Variants in MIB1 observed in about 807,000 individuals in gnomAD.
The protein encoded by MIB1 is MIB E3 ubiquitin protein ligase 1.
A neutral mutation model predicts 124.5 loss-of-function variants in MIB1; 278 were observed. That is an observed-to-expected ratio of 2.23 (90% CI 2.02 to 2.47). MIB1 has a LOEUF of 2.47. MIB1 is among the 30% of genes most tolerant of loss of function. The probability of loss-of-function intolerance (pLI) is 0.00; values close to 1 mark genes in which losing one functional copy is unlikely to be tolerated. For missense variants in MIB1, 957 were observed against 1,254.4 expected (o/e 0.76, Z 3.58); for synonymous variants, 446 against 429.4 (o/e 1.04, Z -0.48).
chr18:21,822,767 C>A (rs1431144427), intron 12 of MIB1, among the ~76,000 whole-genome samples: 1 of 151,970 alleles, frequency 6.6e-6, no homozygotes, highest in African/African-American at 2.4e-5. Flanking sequence ...TTAGTGTACT[C>A]GGAATTAAAA....
At chr18:21,707,505 T>G (rs550052899) in intron 1 of MIB1, among the ~76,000 whole-genome samples, 2 of 152,330 alleles carry the variant, frequency 1.3e-5, no homozygotes, top group South Asian at 4.1e-4. Flanking sequence ...ATCTTGCTGC[T>G]GCTCATTCTT....
chr18:21,738,987 A>G (rs1162263412), upstream of MIB1, among the ~76,000 whole-genome samples: 1 of 151,906 alleles, frequency 6.6e-6, no homozygotes, highest in Non-Finnish European at 1.5e-5. Context: ...AAAAAAATTA[A>G]TGAATCCAGG....
intron 1 of MIB1, among the ~76,000 whole-genome samples, chr18:21,715,063 A>G (rs2040683443): frequency 6.6e-6 from 1 of 152,208 alleles, no homozygotes; most frequent in Non-Finnish European, 1.5e-5. Context: ...GGAATAAATC[A>G]GAAAGTTGAG....
chr18:21,743,034 A>T (rs2040872392), intron 1 of MIB1, among the ~76,000 whole-genome samples: 1 of 152,230 alleles, frequency 6.6e-6, no homozygotes, highest in African/African-American at 2.4e-5. Flanking sequence ...CTCCTGTCTC[A>T]GCCTCCCAAA....
intron 20 of MIB1, among the ~76,000 whole-genome samples, chr18:21,863,669 T>G (rs957474324): frequency 6.6e-6 from 1 of 151,894 alleles, no homozygotes; most frequent in African/African-American, 2.4e-5. Context: ...GTGGGTAGTT[T>G]TGGAAAAGGC....
At position 21,803,887 on chromosome 18, in the gene MIB1, C is replaced by A. The variant is rs1174523388; in HGVS notation, c.1372-20C>A. 3 of 1,573,966 alleles carry A rather than the reference C, an allele frequency of 1.9e-6. No individual in the cohort carries two copies. Among genetic ancestry groups the A allele is most frequent in the African/African-American group, 1.4e-5 (1 of 73,886 alleles). On this transcript the variant is annotated intron_variant, in intron 9 of 20. Coordinates refer to ENST00000261537, the MANE Select transcript of MIB1 (RefSeq NM_020774.4). ...CTGATTATTCATTCATTCTTTCATT[C>A]TTTTTTTTAAAAAATGTAGGTAAAT...
chr18:21,737,701 A>G (rs1466518180), upstream of MIB1, among the ~76,000 whole-genome samples: 1 of 152,184 alleles, frequency 6.6e-6, no homozygotes, highest in Non-Finnish European at 1.5e-5. Context: ...AAGCAGATAG[A>G]AAGCAAAAAA....
At chr18:21,719,447 T>TA (rs1568175476) in intron 1 of MIB1, among the ~76,000 whole-genome samples, 2 of 152,086 alleles carry the variant, frequency 1.3e-5, no homozygotes, top group African/African-American at 4.8e-5. Context: ...AAACAGAGTT[T>TA]AAAAAAAATT....
intron 2 of MIB1, among the ~76,000 whole-genome samples, chr18:21,768,304 C>T (rs1333388257): frequency 6.6e-6 from 1 of 152,140 alleles, no homozygotes; most frequent in Non-Finnish European, 1.5e-5. Flanking sequence ...TCAGTTTCCT[C>T]ATTTATAAAG....
intron 1 of MIB1, among the ~76,000 whole-genome samples, chr18:21,763,224 T>C (rs2041119088): frequency 6.6e-6 from 1 of 152,186 alleles, no homozygotes; most frequent in East Asian, 1.9e-4. Context: ...ATTAAGTGGA[T>C]AGTAAGTTAT....
chr18:21,710,552 C>A (rs1465886592), intron 1 of MIB1, among the ~76,000 whole-genome samples: 4 of 152,114 alleles, frequency 2.6e-5, no homozygotes, highest in Non-Finnish European at 5.9e-5. Flanking sequence ...GAGTTTGAGA[C>A]CAGCCTGGGC....
chr18:21,721,159 G>GTTTGTTTTT lies in MIB1; in HGVS notation n.167+16039_167+16040insGTTTTTTTT, dbSNP rs2040712847. Among the ~76,000 whole-genome samples the GTTTGTTTTT allele has an allele frequency of 5.4e-4, 16 of 29,766 alleles. 2 individuals carry two copies. Among genetic ancestry groups the GTTTGTTTTT allele is most frequent in the Non-Finnish European group, 8.9e-4 (12 of 13,534 alleles). 19.5% of individuals were successfully genotyped at this position (29,766 alleles called of 152,430 possible). ...TGAAAGATTTAAACATTTTAAAGAA[G>GTTTGTTTTT]TTTTTTTTTTTTTTTTTTTTTTTTT... On this transcript the variant is annotated intron_variant and non_coding_transcript_variant, in intron 1 of 20. Coordinates refer to the MIB1 transcript ENST00000578646.
At chr18:21,772,681 A>G (rs1180231881) in intron 3 of MIB1, among the ~76,000 whole-genome samples, 2 of 152,094 alleles carry the variant, frequency 1.3e-5, no homozygotes, top group East Asian at 3.9e-4. Context: ...CCCAGTATAT[A>G]TATATATTTT....
intron 1 of MIB1, among the ~76,000 whole-genome samples, chr18:21,734,472 C>T (rs2040786357): frequency 1.1e-5 from 1 of 94,592 alleles, no homozygotes; most frequent in Admixed American, 1.4e-4. Flanking sequence ...CTTTCTCTCT[C>T]TCTCTTTCTC....
intron 1 of MIB1, among the ~76,000 whole-genome samples, chr18:21,709,756 A>AAC (rs1382875496): frequency 1.3e-5 from 2 of 152,228 alleles, no homozygotes; most frequent in Non-Finnish European, 2.9e-5. Flanking sequence ...TCAAGCATGT[A>AAC]ATGGAGCAAC....
chr18:21,801,128 T>A (rs915550400), intron 9 of MIB1, among the ~76,000 whole-genome samples: 5 of 152,142 alleles, frequency 3.3e-5, no homozygotes, highest in Admixed American at 1.3e-4. Context: ...AGGCAGCTAT[T>A]CTTAGCTGGC....
chr18:21,768,707 C>T lies in MIB1; in HGVS notation c.486C>T (p.Asp162=), dbSNP rs1398139908. ...FAGARVVRGV[D]WQWEDQDGGN... ...GTGCCAGAGTGGTGCGAGGAGTGGA[C>T]TGGCAGTGGGAAGATCAAGATGGAG... Residue 162 remains aspartate, a synonymous_variant, in exon 3 of 21, where the codon GAC becomes GAT. Transcript: ENST00000261537. 1 of 1,610,968 alleles carries T rather than the reference C, an allele frequency of 6.2e-7. No homozygotes were observed. The highest frequency in any genetic ancestry group is 8.5e-7 in the Non-Finnish European group (1 of 1,178,570).
chr18:21,808,434 G>T (rs1273676733), intron 10 of MIB1, among the ~76,000 whole-genome samples: 2 of 152,110 alleles, frequency 1.3e-5, no homozygotes, highest in Admixed American at 6.5e-5. Flanking sequence ...TATATGGCCT[G>T]TAAAAAGTAA....
At chr18:21,820,048 T>A (rs773064723) in intron 12 of MIB1, among the ~76,000 whole-genome samples, 88 of 152,350 alleles carry the variant, frequency 5.8e-4, no homozygotes, top group Admixed American at 5.2e-4. Context: ...TAATTCCTTA[T>A]TAATAATGTA....
Sources: allele counts gnomAD v4.1 joint callset (sites outside exome capture counted in the v4.1 genomes callset), GRCh38; gene constraint gnomAD v4.1.1; transcripts MANE v1.5; gene names NCBI Gene and HGNC (gene_info 2026-07-23, HGNC 2026-07-21).